Variants in NT5DC3 observed in about 807,000 individuals in gnomAD.
NT5DC3 encodes the protein 5'-nucleotidase domain-containing protein 3.
NT5DC3 carries 42 observed loss-of-function variants against 67.8 expected under a neutral mutation model. The observed-to-expected ratio is 0.62, with a 90% CI of 0.48 to 0.80. The LOEUF is 0.80. Among genes scored for constraint, NT5DC3 ranks in the 30% least tolerant of loss-of-function variants. The pLI is 0.00. For missense variants in NT5DC3, 570 were observed against 696.4 expected (o/e 0.82, Z 2.04); for synonymous variants, 237 against 255.6 (o/e 0.93, Z 0.69).
intron 1 of NT5DC3, among the ~76,000 whole-genome samples, chr12:103,818,985 C>G (rs1343811591): frequency 6.6e-6 from 1 of 152,218 alleles, no homozygotes; most frequent in East Asian, 1.9e-4. Flanking sequence ...GTTCAAACAG[C>G]CTGCTTAATT....
intron 4 of NT5DC3, among the ~76,000 whole-genome samples, chr12:103,803,264 T>C (rs1324200976): frequency 1.3e-5 from 2 of 152,182 alleles, no homozygotes; most frequent in African/African-American, 4.8e-5. Context: ...TGTAATATGT[T>C]AAATGTAGCA....
chr12:103,762,340 G>A, the NT5DC3 span: 5 of 1,614,214 alleles, frequency 3.1e-6, no homozygotes, highest in East Asian at 2.2e-5. Context: ...TGGGGCTGTT[G>A]CCTTGGCTGC....
chr12:103,746,777 G>A, the NT5DC3 span: 15 of 1,478,834 alleles, frequency 1.0e-5, no homozygotes, highest in South Asian at 1.4e-4. Context: ...CACAGTGCCT[G>A]GGCTTCATCC....
the NT5DC3 span, among the ~76,000 whole-genome samples, chr12:103,753,042 T>C: frequency 6.6e-6 from 1 of 152,244 alleles, no homozygotes; most frequent in Non-Finnish European, 1.5e-5. Context: ...GCTAGTTTTA[T>C]AGTTAGAAAA....
In NT5DC3 at chr12:103,788,883, G is replaced by T; in HGVS notation, c.1056C>A (p.Leu352=). Residue 352 remains leucine, a synonymous_variant, in exon 10 of 14, where the codon CTC becomes CTA. Transcript: ENST00000392876. ...FRKMNEKGVL[L]WDKIHKLQKG... ...TCTGCAACTTATGGATTTTATCCCA[G>T]AGTAAGACACCTTTCTCATTCATCT... 3 of 1,613,546 alleles carry T rather than the reference G, an allele frequency of 1.9e-6. No individual in the cohort carries two copies. Among genetic ancestry groups the T allele is most frequent in the Non-Finnish European group, 2.5e-6 (3 of 1,179,478 alleles).
intron 5 of NT5DC3, among the ~76,000 whole-genome samples, chr12:103,797,427 G>C (rs529438209): frequency 4.6e-5 from 7 of 150,852 alleles, no homozygotes; most frequent in African/African-American, 1.7e-4. Flanking sequence ...CGGAGATGGC[G>C]CCACTGCACA....
chr12:103,753,271 T>A, the NT5DC3 span: 1 of 1,614,226 alleles, frequency 6.2e-7, no homozygotes, highest in Non-Finnish European at 8.5e-7. Context: ...CAGTATAAGC[T>A]GACCTTTGAC....
At chr12:103,821,092 C>T (rs1887471312) in intron 1 of NT5DC3, among the ~76,000 whole-genome samples, 1 of 152,200 alleles carries the variant, frequency 6.6e-6, no homozygotes, top group Non-Finnish European at 1.5e-5. Context: ...CTTCTCCTAC[C>T]GTGCCTATCA....
At chr12:103,814,638 A>T (rs1887170139) in intron 2 of NT5DC3, among the ~76,000 whole-genome samples, 1 of 152,232 alleles carries the variant, frequency 6.6e-6, no homozygotes, top group Admixed American at 6.5e-5. Context: ...CTGCCAATTC[A>T]TCAAGCTCCA....
At chr12:103,800,110 A>G (rs1886501472) in intron 4 of NT5DC3, among the ~76,000 whole-genome samples, 1 of 152,220 alleles carries the variant, frequency 6.6e-6, no homozygotes. Context: ...ACAAAACCAC[A>G]TGGTCCACAG....
chr12:103,761,399 C>T, the NT5DC3 span: 370 of 1,613,590 alleles, frequency 2.3e-4, 1 homozygote, highest in South Asian at 7.7e-4. Context: ...AAAAGCACCC[C>T]CTGCCCCCGT....
intron 9 of NT5DC3, among the ~76,000 whole-genome samples, chr12:103,791,190 G>GGGGGAGAC: frequency 6.6e-6 from 1 of 151,540 alleles, no homozygotes; most frequent in Non-Finnish European, 1.5e-5. Flanking sequence ...TTGGGGGAGA[G>GGGGGAGAC]GGCTGAGACA....
chr12:103,757,892 A>G, the NT5DC3 span: 1 of 441,290 alleles, frequency 2.3e-6, no homozygotes, highest in African/African-American at 2.0e-5. Context: ...TTTTGAGAAG[A>G]CTCGAGATTT....
rs1483339822 is a variant in NT5DC3 at position 103,780,370 on chromosome 12, G to C, written c.1330-6C>G. 6.2e-7 allele frequency: 1 copy of C among 1,613,252 alleles called. No individual in the cohort carries two copies. The highest frequency in any genetic ancestry group is 8.5e-7 in the Non-Finnish European group (1 of 1,179,364). ...GACTCAGCATCTCTGTGAACCTGTA[G>C]GACACAAGTCAATTATTACAACTGT... On this transcript the variant is annotated splice_region_variant and splice_polypyrimidine_tract_variant and intron_variant, in intron 12 of 13. Coordinates refer to ENST00000392876, the MANE Select transcript of NT5DC3 (RefSeq NM_001031701.3).
At chr12:103,783,391 G>C (rs1885638567) in intron 12 of NT5DC3, among the ~76,000 whole-genome samples, 1 of 152,122 alleles carries the variant, frequency 6.6e-6, no homozygotes, top group African/African-American at 2.4e-5. Context: ...CCCCTCACTA[G>C]AGCAAGTTAT....
At chr12:103,833,189 C>T (rs1361002171) in intron 1 of NT5DC3, among the ~76,000 whole-genome samples, 1 of 152,154 alleles carries the variant, frequency 6.6e-6, no homozygotes, top group Admixed American at 6.5e-5. Flanking sequence ...ACCTACTACC[C>T]CCGTCATTCA....
At chr12:103,799,462 T>A (rs1171904183) in intron 4 of NT5DC3, among the ~76,000 whole-genome samples, 1 of 152,200 alleles carries the variant, frequency 6.6e-6, no homozygotes. Flanking sequence ...TTGGCTCTCA[T>A]ACTCTCTTGC....
chr12:103,835,691 T>C (rs1187241769), intron 1 of NT5DC3, among the ~76,000 whole-genome samples: 2 of 152,034 alleles, frequency 1.3e-5, no homozygotes, highest in Non-Finnish European at 2.9e-5. Flanking sequence ...ACACTAAAAA[T>C]CTCCACCTTA....
At chr12:103,830,959 C>G (rs571900246) in intron 1 of NT5DC3, among the ~76,000 whole-genome samples, 1 of 152,268 alleles carries the variant, frequency 6.6e-6, no homozygotes, top group South Asian at 2.1e-4. Context: ...AAGCTCAGAT[C>G]TAATCTTGAG....
Sources: allele counts gnomAD v4.1 joint callset (sites outside exome capture counted in the v4.1 genomes callset), GRCh38; gene constraint gnomAD v4.1.1; transcripts MANE v1.5; gene names NCBI Gene and HGNC (gene_info 2026-07-23, HGNC 2026-07-21).